CHFR: variants seen among roughly 807,000 people sequenced by gnomAD.
The protein encoded by CHFR is checkpoint with forkhead and ring finger domains.
Under a neutral mutation model 87.6 loss-of-function variants are expected in CHFR, and 57 were observed. The observed-to-expected ratio is 0.65, with a 90% CI of 0.53 to 0.81. The LOEUF (loss-of-function observed/expected upper bound fraction) is 0.81. Among genes scored for constraint, CHFR ranks in the 30% least tolerant of loss-of-function variants. The pLI is 0.00. For synonymous variants in CHFR, 381 were observed against 359.2 expected, an observed-to-expected ratio of 1.06 and a Z score of -0.69; for missense variants, 797 against 865.8, an observed-to-expected ratio of 0.92 and a Z score of 1.00.
At chr12:132,873,131 C>T (rs1951529515) in intron 3 of CHFR, among the ~76,000 whole-genome samples, 1 of 152,200 alleles carries the variant, frequency 6.6e-6, no homozygotes, top group African/African-American at 2.4e-5. Flanking sequence ...TGAAACCACA[C>T]AGGCCTCAGC....
rs1209959130 is a variant in CHFR at position 132,836,770 on chromosome 12, G to A, written c.*4784C>T. Reference sequence around the variant, plus strand: ...AGGAAGGGGCGCCTGTTTGTGCCGCGGGAAAGATTTCAAGCCCAGGGGACG... The same window carrying A: ...AGGAAGGGGCGCCTGTTTGTGCCGCAGGAAAGATTTCAAGCCCAGGGGACG... On this transcript the variant is annotated 3_prime_UTR_variant, in exon 18 of 18. Transcript: ENST00000450056. 3 of 456,008 alleles carry A rather than the reference G, an allele frequency of 6.6e-6. No individual in the cohort carries two copies. Among genetic ancestry groups the A allele is most frequent in the Non-Finnish European group, 1.3e-5 (3 of 226,774 alleles). 28.2% of individuals were successfully genotyped at this position (456,008 alleles called of 1,614,324 possible). A position where few individuals can be genotyped will look rare whatever the true frequency, so the allele number is the denominator to read the frequency against.
chr12:132,885,586 T>C (rs1434897646), intron 2 of CHFR, among the ~76,000 whole-genome samples: 2 of 152,162 alleles, frequency 1.3e-5, no homozygotes, highest in East Asian at 1.9e-4. Flanking sequence ...TATTAAAAGA[T>C]AAACTCAACG....
chr12:132,858,725 TAAAAAAAA>T (rs60137048), intron 8 of CHFR, among the ~76,000 whole-genome samples: 214 of 26,786 alleles, frequency 8.0e-3, no homozygotes, highest in Non-Finnish European at 0.01. Context: ...AGACTCCATC[TAAAAAAAA>T]AAAAAAAAAA....
intron 3 of CHFR, among the ~76,000 whole-genome samples, chr12:132,874,247 C>G (rs901630626): frequency 6.6e-6 from 1 of 152,278 alleles, no homozygotes; most frequent in African/African-American, 2.4e-5. Context: ...AAGAAAGTAC[C>G]ACCACCATGC....
chr12:132,856,799 G>A, intron 9 of CHFR, 169 bp from the exon 10 acceptor site: 1 of 799,052 alleles, frequency 1.3e-6, no homozygotes, highest in East Asian at 2.5e-5. Context: ...GTGCCCAGGT[G>A]CTGGTGTGGA....
At chr12:132,868,829 T>C (rs1428866377) in intron 6 of CHFR, among the ~76,000 whole-genome samples, 12 of 95,706 alleles carry the variant, frequency 1.3e-4, no homozygotes, top group Admixed American at 1.0e-3. Flanking sequence ...GAAGGGGACA[T>C]GGGGAGTGAC....
chr12:132,874,566 C>T (rs1225245667), intron 3 of CHFR, among the ~76,000 whole-genome samples: 142 of 149,690 alleles, frequency 9.5e-4, no homozygotes, highest in Non-Finnish European at 1.6e-3. Context: ...CGGGACTGCC[C>T]AGGACCAGCA....
chr12:132,873,516 ACTTT>A (rs1473104610), intron 3 of CHFR, among the ~76,000 whole-genome samples: 2 of 152,130 alleles, frequency 1.3e-5, no homozygotes, highest in Non-Finnish European at 2.9e-5. Context: ...TGCTGGACTG[ACTTT>A]CTGTGTCCTC....
intron 2 of CHFR, among the ~76,000 whole-genome samples, chr12:132,879,386 T>A (rs1275872615): frequency 6.8e-6 from 1 of 146,528 alleles, no homozygotes; most frequent in African/African-American, 2.5e-5. Flanking sequence ...ACTTTGGGAT[T>A]TTTTTTTTCT....
chr12:132,865,518 G>A (rs146832553), intron 6 of CHFR, among the ~76,000 whole-genome samples: 2,037 of 151,894 alleles, frequency 0.013, 40 homozygotes, highest in African/African-American at 0.047. Flanking sequence ...GACTACAGGC[G>A]CCTGCCACCA....
At chr12:132,870,065 C>G (rs1007170338) in intron 5 of CHFR, among the ~76,000 whole-genome samples, 2 of 152,008 alleles carry the variant, frequency 1.3e-5, no homozygotes. Flanking sequence ...AAAAATTAGC[C>G]AGGCGTGCCG....
At chr12:132,877,358 A>G (rs1399408202) in intron 3 of CHFR, among the ~76,000 whole-genome samples, 197 bp downstream of exon 3, 2 of 152,170 alleles carry the variant, frequency 1.3e-5, no homozygotes, top group Non-Finnish European at 2.9e-5. Flanking sequence ...AGATGATCAA[A>G]TTGTCTGACA....
intron 1 of CHFR, 25 bp from the exon 2 acceptor site, chr12:132,887,365 T>A: frequency 2.2e-6 from 3 of 1,340,788 alleles, no homozygotes; most frequent in Non-Finnish European, 2.9e-6. Context: ...GAAACGCCCA[T>A]GGAGACTCCC....
Position 132,841,398 on chromosome 12 carries a change from A to AAG in CHFR, c.*154_*155dup, listed in dbSNP as rs2136907189. 2.9e-6 allele frequency: 2 copies of AAG among 679,424 alleles called. No individual in the cohort carries two copies. The highest frequency in any genetic ancestry group is 5.2e-6 in the Non-Finnish European group (2 of 386,044). 42.1% of individuals were successfully genotyped at this position (679,424 alleles called of 1,614,324 possible). ...TGGGGAGGGTCTCACTCAGAGGGTAAAGCTCCACAGAAGAGTCACCCCAGA... is the reference window on the plus strand; with the variant it reads ...TGGGGAGGGTCTCACTCAGAGGGTAAAGAGCTCCACAGAAGAGTCACCCCAGA... On this transcript the variant is annotated 3_prime_UTR_variant, in exon 18 of 18. Transcript: ENST00000450056.
At chr12:132,864,355 A>G (rs1424847504) in intron 6 of CHFR, among the ~76,000 whole-genome samples, 4 of 152,254 alleles carry the variant, frequency 2.6e-5, no homozygotes, top group African/African-American at 9.6e-5. Context: ...GGAGAGGAGC[A>G]CCATCTTACC....
At position 132,859,179 on chromosome 12, in the gene CHFR, C is replaced by CT; in HGVS notation, c.799dup (p.Arg267LysfsTer73). 6.2e-7 allele frequency: 1 copy of CT among 1,614,038 alleles called. No individual in the cohort carries two copies. The highest frequency in any genetic ancestry group is 8.5e-7 in the Non-Finnish European group (1 of 1,179,976). On this transcript the variant is annotated frameshift_variant, in exon 8 of 18. Coordinates refer to ENST00000450056, the MANE Select transcript of CHFR (RefSeq NM_001161346.2). LOFTEE classifies it high-confidence loss of function. ...GTCCTCGTGGACGGTTTGGGCATTT[C>CT]TACGCGGTTGTGCGACCAACAACTG... is the stretch of plus-strand genomic sequence containing the variant.
At chr12:132,865,311 G>A (rs1419995851) in intron 6 of CHFR, among the ~76,000 whole-genome samples, 4 of 152,190 alleles carry the variant, frequency 2.6e-5, no homozygotes, top group Non-Finnish European at 5.9e-5. Flanking sequence ...CAGCCCAAGA[G>A]AGCTGGTAAA....
chr12:132,858,758 A>C (rs1218712906), intron 8 of CHFR, among the ~76,000 whole-genome samples: 1 of 147,910 alleles, frequency 6.8e-6, no homozygotes, highest in Non-Finnish European at 1.5e-5. Flanking sequence ...AAAAAAAGGA[A>C]TAAAAAATAT....
Position 132,847,071 on chromosome 12 carries a change from A to G in CHFR, c.1707T>C (p.Ala569=), listed in dbSNP as rs756917083. The G allele has an allele frequency of 3.8e-5, 61 of 1,613,644 alleles. No individual in the cohort carries two copies. Among genetic ancestry groups the G allele is most frequent in the Non-Finnish European group, 5.1e-5 (60 of 1,179,786 alleles). The change falls in exon 15 of 18, where the codon GCT becomes GCC. Residue 569 remains alanine, a synonymous_variant. Coordinates refer to ENST00000450056, the MANE Select transcript of CHFR (RefSeq NM_001161346.2). ...ACAGCAGAAACACTCCCCGCTGGAG[A>G]GCCACGAGGCTCTCGGTCAACATGT... The part of the protein sequence containing the change: ...WKNMLTESLV[A]LQRGVFLLSD...
Sources: gnomAD v4.1 joint callset for allele counts (sites outside exome capture counted in the v4.1 genomes callset) on GRCh38, gnomAD v4.1.1 for gene constraint, MANE v1.5 for transcripts, NCBI Gene and HGNC (gene_info 2026-07-23, HGNC 2026-07-21) for gene names.